Variants in SLC25A48 observed in about 807,000 individuals in gnomAD.
The protein encoded by SLC25A48 is CTC-321K16.1.
In SLC25A48, 29 loss-of-function variants were observed where a neutral mutation model predicts 32.2. The ratio of observed to expected loss-of-function variants is 0.90; its 90% confidence interval spans 0.67 to 1.23. The LOEUF (loss-of-function observed/expected upper bound fraction) is 1.23, where lower values mean the gene tolerates loss of function less well. SLC25A48 is among the 50% of genes most tolerant of loss of function. The pLI is 0.00. For synonymous variants in SLC25A48, 164 were observed against 172.3 expected, an observed-to-expected ratio of 0.95 and a Z score of 0.38; for missense variants, 399 against 422.7, an observed-to-expected ratio of 0.94 and a Z score of 0.49.
At chr5:135,801,349 AG>A (rs1434764175) in intron 3 of SLC25A48, among the ~76,000 whole-genome samples, 1 of 151,244 alleles carries the variant, frequency 6.6e-6, no homozygotes, top group African/African-American at 2.4e-5. Flanking sequence ...TAGAAAAAAA[AG>A]GGGATGATAT....
At chr5:135,714,968 TGAGTCG>T (rs941554314) in intron 3 of SLC25A48, 18 of 152,574 alleles carry the variant, frequency 1.2e-4, no homozygotes, top group Admixed American at 6.5e-5. Flanking sequence ...GGCAGACTGC[TGAGTCG>T]GAGCTTCACC....
chr5:135,767,197 C>T (rs1756261291), intron 3 of SLC25A48, among the ~76,000 whole-genome samples: 3 of 145,840 alleles, frequency 2.1e-5, no homozygotes, highest in East Asian at 2.1e-4. Context: ...ACCCCCCCCC[C>T]GTGATATGGT....
At chr5:135,819,272 G>A (rs1757818133) in intron 4 of SLC25A48, among the ~76,000 whole-genome samples, 1 of 152,098 alleles carries the variant, frequency 6.6e-6, no homozygotes, top group Non-Finnish European at 1.5e-5. Context: ...TGAAAACCAT[G>A]CCTAGACACA....
Position 135,706,028 on chromosome 5 carries a change from C to T in SLC25A48, c.-521+71072C>T, listed in dbSNP as rs114065100. Among the ~76,000 whole-genome samples the T allele has an allele frequency of 3.6e-3, 553 of 152,320 alleles. 6 individuals are homozygous for T. The highest frequency in any genetic ancestry group is 0.012 in the African/African-American group (505 of 41,576). The stretch of plus-strand genomic sequence containing the variant: ...TTCTTTGAACTGGGCTGTCTCTTCC[C>T]GGCTGCCCTTCTGGTCATCGGCCCA... On this transcript the variant is annotated intron_variant, in intron 3 of 10. Transcript: ENST00000646290.
At chr5:135,590,530 T>G (rs74379822) in intron 1 of SLC25A48, among the ~76,000 whole-genome samples, 8,073 of 151,412 alleles carry the variant, frequency 0.053, 260 homozygotes, top group African/African-American at 0.072. Flanking sequence ...TTTGTGTGGG[T>G]TTTTTTTTCC....
chr5:135,790,902 T>A (rs1352406768), intron 3 of SLC25A48, among the ~76,000 whole-genome samples: 2 of 151,954 alleles, frequency 1.3e-5, no homozygotes, highest in African/African-American at 4.8e-5. Flanking sequence ...TTACTCCTAA[T>A]GTCACAGTTG....
chr5:135,682,131 A>G (rs1753911863), intron 3 of SLC25A48, among the ~76,000 whole-genome samples: 1 of 152,182 alleles, frequency 6.6e-6, no homozygotes, highest in Non-Finnish European at 1.5e-5. Context: ...GAGAATTTAT[A>G]GGCTCTGTTT....
In SLC25A48 at chr5:135,719,170, A is replaced by G. The variant is rs531396921; in HGVS notation, c.-521+84214A>G. Among the ~76,000 whole-genome samples, 15 of 152,358 alleles carry G rather than the reference A, an allele frequency of 9.8e-5. No individual in the cohort carries two copies. The East Asian group carries it at 2.1e-3, about 22-fold the overall frequency. On this transcript the variant is annotated intron_variant, in intron 3 of 10. Coordinates refer to the SLC25A48 transcript ENST00000646290. ...CAAAATCAAACATTTAATTTAAAAGATGGGCTAACTCTAAAAATAGAAATG... is the reference window on the plus strand; with the variant it reads ...CAAAATCAAACATTTAATTTAAAAGGTGGGCTAACTCTAAAAATAGAAATG...
At chr5:135,777,975 G>T (rs145555416) in intron 3 of SLC25A48, among the ~76,000 whole-genome samples, 17 of 151,740 alleles carry the variant, frequency 1.1e-4, no homozygotes, top group African/African-American at 4.1e-4. Flanking sequence ...TGCCAATATC[G>T]CAAATGGTGT....
chr5:135,850,628 C>T (rs772098994), intron 3 of SLC25A48, 132 bp downstream of exon 3: 5 of 762,586 alleles, frequency 6.6e-6, no homozygotes, highest in Non-Finnish European at 1.1e-5. Flanking sequence ...TTGATTTTCC[C>T]TACTTCATCT....
chr5:135,813,872 C>T (rs1026544573), intron 4 of SLC25A48, among the ~76,000 whole-genome samples: 1 of 152,152 alleles, frequency 6.6e-6, no homozygotes, highest in African/African-American at 2.4e-5. Context: ...TGATGTGCCC[C>T]ACAGAGCAAC....
intron 5 of SLC25A48, 194 bp downstream of exon 5, chr5:135,871,912 A>G (rs1415500311): frequency 6.8e-7 from 1 of 1,475,288 alleles, no homozygotes; most frequent in African/African-American, 1.4e-5. Flanking sequence ...CTATGCAGCT[A>G]TGAGAATGGC....
At chr5:135,759,102 TAATAA>T (rs1440444008) in intron 3 of SLC25A48, among the ~76,000 whole-genome samples, 1 of 151,996 alleles carries the variant, frequency 6.6e-6, no homozygotes, top group African/African-American at 2.4e-5. Context: ...ACAATAATAT[TAATAA>T]AATATCACCT....
At chr5:135,579,251 G>T in exon 1 of SLC25A48, 1 of 204,046 alleles carries the variant, frequency 4.9e-6, no homozygotes, top group Non-Finnish European at 9.7e-6. Flanking sequence ...TCGCACACTT[G>T]CACACCCATA....
At chr5:135,596,147 T>C (rs921652214) in intron 1 of SLC25A48, among the ~76,000 whole-genome samples, 1 of 152,274 alleles carries the variant, frequency 6.6e-6, no homozygotes, top group African/African-American at 2.4e-5. Flanking sequence ...TCTATTTTTG[T>C]GTGTATAGAC....
At chr5:135,800,153 G>A (rs1757285871) in intron 3 of SLC25A48, among the ~76,000 whole-genome samples, 1 of 151,770 alleles carries the variant, frequency 6.6e-6, no homozygotes, top group South Asian at 2.1e-4. Context: ...CAACCCGCCT[G>A]TGATATTGCT....
chr5:135,664,721 G>A (rs1313406045), intron 3 of SLC25A48, among the ~76,000 whole-genome samples: 1 of 152,008 alleles, frequency 6.6e-6, no homozygotes, highest in Non-Finnish European at 1.5e-5. Context: ...TAACATAAGG[G>A]CCTCCAGCTC....
At chr5:135,696,554 CT>C (rs1470338200) in intron 3 of SLC25A48, among the ~76,000 whole-genome samples, 1 of 152,206 alleles carries the variant, frequency 6.6e-6, no homozygotes, top group African/African-American at 2.4e-5. Flanking sequence ...GTCTCCTTGG[CT>C]CCCTGTGCTC....
In SLC25A48 at chr5:135,858,676, A is replaced by G. The variant is rs184049040; in HGVS notation, c.421+5855A>G. Among the ~76,000 whole-genome samples the G allele has an allele frequency of 3.6e-3, 547 of 152,352 alleles. 2 individuals are homozygous for G. The highest frequency in any genetic ancestry group is 0.011 in the African/African-American group (457 of 41,584). ...CTGATGCTTTCTCTGCTTTTGCCCC[A>G]GGATTTGTAGAAGCTGAGGTTATGA... On this transcript the variant is annotated intron_variant, in intron 4 of 7. Coordinates refer to ENST00000681962, the MANE Select transcript of SLC25A48 (RefSeq NM_001349336.2).
Sources: gnomAD v4.1 joint callset for allele counts (sites outside exome capture counted in the v4.1 genomes callset) on GRCh38, gnomAD v4.1.1 for gene constraint, MANE v1.5 for transcripts, NCBI Gene and HGNC (gene_info 2026-07-23, HGNC 2026-07-21) for gene names.